CDH18: variants seen among roughly 807,000 people sequenced by gnomAD.
CDH18 encodes the protein cadherin-18.
CDH18 carries 31 observed loss-of-function variants against 67.9 expected under a neutral mutation model. The ratio of observed to expected loss-of-function variants is 0.46; its 90% CI spans 0.34 to 0.62. The LOEUF (loss-of-function observed/expected upper bound fraction) is 0.62, where lower values mean the gene tolerates loss of function less well. CDH18 is among the 20% of genes least tolerant of loss of function. CDH18 has a pLI of 0.01. For missense variants in CDH18, 890 were observed against 975.5 expected (o/e 0.91, Z 1.17); for synonymous variants, 362 against 347.2 (o/e 1.04, Z -0.48).
In CDH18 at chr5:20,555,408, C is replaced by CTTTTTTTTTTTTTTTTTTTTTTTTTT. The variant is rs774396694; in HGVS notation, c.-580+20028_-580+20053dup. ...GCCAGAACCACCAAGACAAGCTTTT[C>CTTTTTTTTTTTTTTTTTTTTTTTTTT]TTTTTTTTTTTTTTTTTTTTTTTTT... On this transcript the variant is annotated intron_variant, in intron 1 of 14. Transcript: ENST00000507958. 1.8e-4 allele frequency among the ~76,000 whole-genome samples: 19 copies of CTTTTTTTTTTTTTTTTTTTTTTTTTT among 103,658 alleles called. 1 individual carries two copies. Among genetic ancestry groups the CTTTTTTTTTTTTTTTTTTTTTTTTTT allele is most frequent in the African/African-American group, 3.3e-4 (8 of 24,370 alleles). 68.0% of individuals were successfully genotyped at this position (103,658 alleles called of 152,430 possible). A position where few individuals can be genotyped will look rare whatever the true frequency, so the allele number is the denominator to read the frequency against.
At chr5:20,129,481 A>G (rs1749089876) in intron 2 of CDH18, among the ~76,000 whole-genome samples, 1 of 152,188 alleles carries the variant, frequency 6.6e-6, no homozygotes, top group South Asian at 2.1e-4. Flanking sequence ...ACAATATACT[A>G]TGCACCAGAG....
At chr5:20,100,923 A>G (rs1223561125) in intron 2 of CDH18, among the ~76,000 whole-genome samples, 2 of 152,254 alleles carry the variant, frequency 1.3e-5, no homozygotes, top group East Asian at 3.9e-4. Flanking sequence ...TATTTTAATC[A>G]TATATTTATG....
At chr5:20,559,042 G>A (rs150937390) in intron 1 of CDH18, among the ~76,000 whole-genome samples, 38 of 150,440 alleles carry the variant, frequency 2.5e-4, no homozygotes, top group South Asian at 6.4e-4. Context: ...ATTGCTTACC[G>A]GCAGACTAGA....
At chr5:20,309,065 A>T (rs1736758533) in intron 1 of CDH18, among the ~76,000 whole-genome samples, 1 of 152,206 alleles carries the variant, frequency 6.6e-6, no homozygotes, top group East Asian at 1.9e-4. Context: ...TAATAAGAAA[A>T]CTAAACACAC....
chr5:19,555,471 T>C (rs557318825), intron 8 of CDH18, among the ~76,000 whole-genome samples: 7 of 152,134 alleles, frequency 4.6e-5, no homozygotes, highest in Non-Finnish European at 1.0e-4. Flanking sequence ...GTGGGCTGCA[T>C]GGGAACAAGG....
chr5:19,965,225 C>T (rs894831163), intron 2 of CDH18, among the ~76,000 whole-genome samples: 2 of 152,034 alleles, frequency 1.3e-5, no homozygotes, highest in Non-Finnish European at 1.5e-5. Flanking sequence ...CATAACAATG[C>T]CATAAGCTAT....
intron 4 of CDH18, among the ~76,000 whole-genome samples, chr5:19,743,637 T>C (rs1252595809): frequency 3.9e-5 from 6 of 151,924 alleles, no homozygotes; most frequent in Non-Finnish European, 8.8e-5. Context: ...AAAATCAGAG[T>C]TGGCCAGACA....
At chr5:19,737,617 C>A (rs2150677879) in intron 4 of CDH18, among the ~76,000 whole-genome samples, 1 of 152,212 alleles carries the variant, frequency 6.6e-6, no homozygotes, top group South Asian at 2.1e-4. Flanking sequence ...AAATTATGCC[C>A]CCCTACCAAT....
At chr5:20,522,946 G>T (rs533618050) in intron 1 of CDH18, among the ~76,000 whole-genome samples, 27 of 152,226 alleles carry the variant, frequency 1.8e-4, no homozygotes, top group Admixed American at 8.5e-4. Flanking sequence ...TGCAACCAAT[G>T]AATCAAAATT....
intron 2 of CDH18, among the ~76,000 whole-genome samples, chr5:20,036,999 T>C (rs1739929745): frequency 6.6e-6 from 1 of 152,114 alleles, no homozygotes; most frequent in Non-Finnish European, 1.5e-5. Context: ...ATTTTGAGCC[T>C]ATGTGTGTCT....
rs75236592 is a variant in CDH18, at chr5:20,402,321, C to T, written c.-579-146816G>A. Reference sequence around the variant, plus strand: ...TACTCTACTGGATAGAATATAAAATCTAGATTCACTTCATCATGCCTGACT... The same window carrying T: ...TACTCTACTGGATAGAATATAAAATTTAGATTCACTTCATCATGCCTGACT... On this transcript the variant is annotated intron_variant, in intron 1 of 14. Transcript: ENST00000507958. Among the ~76,000 whole-genome samples the T allele has an allele frequency of 6.4e-3, 970 of 152,290 alleles. 9 individuals are homozygous for T. Among genetic ancestry groups the T allele is most frequent in the African/African-American group, 0.022 (926 of 41,566 alleles).
In CDH18 at chr5:19,502,857, C is replaced by T. The variant is rs115065257; in HGVS notation, c.1630+135G>A. ...TTTTAAACACAAGCTATTCACAGAT[C>T]ATAACACAGTAGCATCAAACTGACT... On this transcript the variant is annotated intron_variant, in intron 11 of 12. Coordinates refer to ENST00000382275, the MANE Select transcript of CDH18 (RefSeq NM_004934.5). 2.1e-3 allele frequency: 1,491 copies of T among 718,030 alleles called. 16 individuals carry two copies. In the African/African-American group the frequency reaches 0.024, roughly 11 times the overall value. The allele number at this position is 718,030 out of a possible 1,614,324, so 44.5% of individuals were successfully genotyped here.
At chr5:19,937,624 C>A (rs1561591618) in intron 2 of CDH18, among the ~76,000 whole-genome samples, 2 of 151,150 alleles carry the variant, frequency 1.3e-5, no homozygotes, top group Non-Finnish European at 3.0e-5. Context: ...TGTACAATTT[C>A]AAAGAAAGTA....
intron 1 of CDH18, among the ~76,000 whole-genome samples, chr5:20,402,038 C>G (rs1638645414): frequency 6.6e-6 from 1 of 152,054 alleles, no homozygotes; most frequent in South Asian, 2.1e-4. Flanking sequence ...ACTCTATTCT[C>G]ACAAGCTTTC....
intron 1 of CDH18, among the ~76,000 whole-genome samples, chr5:20,386,748 GTCT>G (rs761209385): frequency 5.3e-5 from 8 of 151,966 alleles, no homozygotes; most frequent in African/African-American, 1.7e-4. Context: ...ACTCATATGA[GTCT>G]TCTTTTCATT....
intron 5 of CDH18, among the ~76,000 whole-genome samples, chr5:19,639,608 T>A (rs1823154): frequency 1.3e-5 from 2 of 152,172 alleles, no homozygotes; most frequent in South Asian, 2.1e-4. Context: ...AGTCTCTCCA[T>A]GAGCAACTGC....
chr5:20,423,807 C>A (rs1748049447), intron 1 of CDH18, among the ~76,000 whole-genome samples: 1 of 149,732 alleles, frequency 6.7e-6, no homozygotes, highest in Admixed American at 6.6e-5. Flanking sequence ...ATTAGCCGGG[C>A]GTGGTGATGG....
chr5:20,087,238 T>C (rs1488169173), intron 2 of CDH18, among the ~76,000 whole-genome samples: 2 of 152,110 alleles, frequency 1.3e-5, no homozygotes. Flanking sequence ...AAAGGTTGAA[T>C]GGGTTAGGAG....
chr5:20,247,945 T>C (rs1743513617), intron 2 of CDH18, among the ~76,000 whole-genome samples: 1 of 151,992 alleles, frequency 6.6e-6, no homozygotes, highest in South Asian at 2.1e-4. Flanking sequence ...TATGAGAAAA[T>C]TTGCAATTAG....
Sources: gnomAD v4.1 joint callset for allele counts (sites outside exome capture counted in the v4.1 genomes callset) on GRCh38, gnomAD v4.1.1 for gene constraint, MANE v1.5 for transcripts, NCBI Gene and HGNC (gene_info 2026-07-23, HGNC 2026-07-21) for gene names.